Variants in CNBD2 observed in about 807,000 individuals in gnomAD.
CNBD2 encodes the protein cyclic nucleotide-binding domain-containing protein 2.
CNBD2 carries 64 observed loss-of-function variants against 63.7 expected under a neutral mutation model. That is an observed-to-expected ratio of 1.00 (90% CI 0.82 to 1.24). The LOEUF (loss-of-function observed/expected upper bound fraction) is 1.24. CNBD2 is among the 50% of genes most tolerant of loss of function. The pLI is 0.00. For synonymous variants in CNBD2, 229 were observed against 255.4 expected (o/e 0.90, Z 0.99); for missense variants, 691 against 713.5 (o/e 0.97, Z 0.36).
downstream of CNBD2, among the ~76,000 whole-genome samples, chr20:35,955,920 C>T (rs917246240): frequency 6.6e-6 from 1 of 152,176 alleles, no homozygotes; most frequent in Non-Finnish European, 1.5e-5. Flanking sequence ...GGAGTTTCAC[C>T]GTGTTGGCCA....
intron 1 of CNBD2, 44 bp downstream of exon 1, chr20:35,968,857 A>G: frequency 6.7e-7 from 1 of 1,498,232 alleles, no homozygotes; most frequent in Non-Finnish European, 9.2e-7. Context: ...CAGAAGACTG[A>G]ACAGACAGGT....
chr20:35,996,752 A>T (rs2056831333), intron 8 of CNBD2, among the ~76,000 whole-genome samples: 1 of 152,024 alleles, frequency 6.6e-6, no homozygotes, highest in Non-Finnish European at 1.5e-5. Flanking sequence ...AAGTGATCCG[A>T]CTGCCTCGGC....
At chr20:35,968,519 C>T, upstream of CNBD2, 1 of 422,962 alleles carries the variant, frequency 2.4e-6, no homozygotes, top group South Asian at 2.3e-5. Context: ...CTCCCACATT[C>T]CAATCCCTGT....
intron 11 of CNBD2, among the ~76,000 whole-genome samples, chr20:36,025,624 T>A (rs1282125864): frequency 6.7e-6 from 1 of 149,768 alleles, no homozygotes; most frequent in Non-Finnish European, 1.5e-5. Context: ...AAAATAAATA[T>A]GTATCTTGAA....
intron 7 of CNBD2, among the ~76,000 whole-genome samples, chr20:35,989,112 T>C (rs1371319356): frequency 6.6e-6 from 1 of 152,218 alleles, no homozygotes; most frequent in Admixed American, 6.5e-5. Flanking sequence ...ATTCCCATTT[T>C]ACAGAGGAGG....
intron 8 of CNBD2, among the ~76,000 whole-genome samples, chr20:35,999,279 A>C (rs1348488638): frequency 6.6e-6 from 1 of 152,194 alleles, no homozygotes; most frequent in East Asian, 1.9e-4. Flanking sequence ...GAGATGCCTA[A>C]TCATTGACAT....
chr20:36,010,444 CAAAAAAAAAAA>C (rs147122121), intron 9 of CNBD2, among the ~76,000 whole-genome samples: 1 of 92,986 alleles, frequency 1.1e-5, no homozygotes, highest in Non-Finnish European at 2.3e-5. Context: ...AACTCTGTCT[CAAAAAAAAAAA>C]AAAAAAAGAA....
intron 10 of CNBD2, among the ~76,000 whole-genome samples, chr20:36,022,075 C>T (rs140256745): frequency 3.1e-4 from 46 of 150,462 alleles, no homozygotes; most frequent in African/African-American, 1.1e-3. Context: ...GTGGCACAAT[C>T]TTGGCTCACC....
chr20:35,961,219 C>T (rs918880420), intron 2 of CNBD2, among the ~76,000 whole-genome samples: 2 of 152,364 alleles, frequency 1.3e-5, no homozygotes, highest in African/African-American at 4.8e-5. Context: ...GCGTGAGCCA[C>T]CACGCCCGGC....
intron 1 of CNBD2, among the ~76,000 whole-genome samples, chr20:35,969,106 T>C (rs556593782): frequency 1.8e-4 from 27 of 152,284 alleles, no homozygotes; most frequent in Admixed American, 4.6e-4. Flanking sequence ...GGTAGCAACA[T>C]TGAGTCATAG....
In CNBD2 at chr20:36,023,628, G is replaced by A. The variant is rs771964994; in HGVS notation, c.1296G>A (p.Glu432=). The A allele has an allele frequency of 2.1e-5, 34 of 1,608,534 alleles. 2 individuals are homozygous for A. The South Asian group carries it at 3.4e-4, about 16-fold the overall frequency. The change falls in exon 11 of 12, where the codon GAG becomes GAA. Residue 432 remains glutamate (E), a synonymous_variant. Coordinates refer to ENST00000373973, the MANE Select transcript of CNBD2 (RefSeq NM_001365709.1). The part of the protein sequence containing the change: ...ILGLHQAFLP[E]GECDTRPLIL... The stretch of plus-strand genomic sequence containing the variant: ...GTCTTCACCAGGCCTTCCTTCCAGA[G>A]GGTGAATGCGACACACGACCCTTGA...
chr20:35,986,288 A>G (rs568194849), intron 6 of CNBD2, among the ~76,000 whole-genome samples: 2 of 152,078 alleles, frequency 1.3e-5, no homozygotes, highest in Non-Finnish European at 2.9e-5. Context: ...AGGTAGCTTC[A>G]TCCCCTGGAA....
At chr20:35,979,245 G>A (rs913321726) in intron 3 of CNBD2, among the ~76,000 whole-genome samples, 7 of 152,166 alleles carry the variant, frequency 4.6e-5, no homozygotes, top group Non-Finnish European at 8.8e-5. Context: ...GGTAGGCCTA[G>A]ATCTGTGTGT....
downstream of CNBD2, among the ~76,000 whole-genome samples, chr20:35,957,033 AG>A (rs2056263223): frequency 6.6e-6 from 1 of 152,198 alleles, no homozygotes; most frequent in Non-Finnish European, 1.5e-5. Context: ...TTCTTGTGAA[AG>A]GGAATGAACT....
chr20:35,954,784 T>C, exon 1 of CNBD2: 1 of 406,140 alleles, frequency 2.5e-6, no homozygotes, highest in South Asian at 2.1e-5. Flanking sequence ...CCCCTTCTGA[T>C]TGACCCTGAT....
chr20:35,983,171 G>A (rs2056619407), intron 4 of CNBD2, among the ~76,000 whole-genome samples: 1 of 141,046 alleles, frequency 7.1e-6, no homozygotes, highest in Non-Finnish European at 1.6e-5. Context: ...AACATAGTGA[G>A]ACCCTGTCCC....
intron 7 of CNBD2, among the ~76,000 whole-genome samples, chr20:35,994,228 G>T (rs1331023828): frequency 2.6e-5 from 4 of 152,098 alleles, no homozygotes; most frequent in Middle Eastern, 6.8e-3. Context: ...ACCACACCCG[G>T]CTAATTTTGT....
chr20:35,957,662 A>G (rs1250905773), downstream of CNBD2: 1 of 152,198 alleles, frequency 6.6e-6, no homozygotes, highest in Non-Finnish European at 1.5e-5. Context: ...GAACCCTCCC[A>G]GAAGTCCCAG....
intron 8 of CNBD2, among the ~76,000 whole-genome samples, chr20:36,002,683 T>A (rs1272872713): frequency 6.6e-6 from 1 of 152,238 alleles, no homozygotes; most frequent in Non-Finnish European, 1.5e-5. Context: ...TGAATTTTTT[T>A]ATCAATAGTT....
Sources: gnomAD v4.1 joint callset for allele counts (sites outside exome capture counted in the v4.1 genomes callset) on GRCh38, gnomAD v4.1.1 for gene constraint, MANE v1.5 for transcripts, NCBI Gene and HGNC (gene_info 2026-07-23, HGNC 2026-07-21) for gene names.